SMIM35: variants seen among roughly 807,000 people sequenced by gnomAD.
The protein encoded by SMIM35 is TMPRSS4 antisense RNA 1 (non-protein coding).
chr11:118,011,326 C>T (rs77076362), intron 4 of SMIM35, among the ~76,000 whole-genome samples: 4,597 of 152,288 alleles, frequency 0.03, 235 homozygotes, highest in African/African-American at 0.11. Context: ...TGAGCACTTC[C>T]GGGGGCCTAG....
At chr11:118,057,742 T>G (rs1323738789) in intron 1 of SMIM35, among the ~76,000 whole-genome samples, 1 of 152,098 alleles carries the variant, frequency 6.6e-6, no homozygotes, top group Non-Finnish European at 1.5e-5. Context: ...GCTGATGAAA[T>G]GAGAGAAATC....
chr11:118,071,853 TCTGA>T (rs1353868981), intron 1 of SMIM35, among the ~76,000 whole-genome samples: 2 of 152,182 alleles, frequency 1.3e-5, no homozygotes, highest in African/African-American at 4.8e-5. Flanking sequence ...GAATGCAGAC[TCTGA>T]CTGAATAAGA....
chr11:118,035,161 A>G (rs2058350199), intron 1 of SMIM35, among the ~76,000 whole-genome samples: 1 of 152,032 alleles, frequency 6.6e-6, no homozygotes, highest in Non-Finnish European at 1.5e-5. Context: ...CATGTTGACC[A>G]GGCTGTTTTT....
chr11:118,080,447 C>A (rs1461968898), intron 1 of SMIM35, among the ~76,000 whole-genome samples: 1 of 152,214 alleles, frequency 6.6e-6, no homozygotes, highest in Non-Finnish European at 1.5e-5. Context: ...TCCCCAGGCC[C>A]TGTCCATCTC....
chr11:118,029,519 G>A, intron 1 of SMIM35: 2 of 387,872 alleles, frequency 5.2e-6, no homozygotes, highest in South Asian at 1.9e-5. Context: ...GCTGGGGGAA[G>A]TTCTGCCAAT....
At chr11:118,083,669 C>A (rs10790230) in intron 1 of SMIM35, among the ~76,000 whole-genome samples, 57,299 of 152,030 alleles carry the variant, frequency 0.38, 11,254 homozygotes, top group East Asian at 0.62. Flanking sequence ...AGCTTTACCT[C>A]TGGTTCACTG....
chr11:118,030,137 T>A (rs994139267), intron 1 of SMIM35, among the ~76,000 whole-genome samples: 3 of 151,936 alleles, frequency 2.0e-5, no homozygotes, highest in Admixed American at 2.0e-4. Flanking sequence ...CAGGTTCAAG[T>A]GATTCTTCCA....
At chr11:118,055,494 G>A (rs1175274860) in intron 1 of SMIM35, among the ~76,000 whole-genome samples, 1 of 152,170 alleles carries the variant, frequency 6.6e-6, no homozygotes, top group Non-Finnish European at 1.5e-5. Context: ...TTTGGCCTCT[G>A]CAGTGCTGAA....
At chr11:118,075,992 G>A (rs779932344) in intron 1 of SMIM35, among the ~76,000 whole-genome samples, 2 of 152,274 alleles carry the variant, frequency 1.3e-5, no homozygotes, top group African/African-American at 2.4e-5. Flanking sequence ...TGTGGGGCTG[G>A]GTGCGGTGGC....
chr11:118,036,806 G>C (rs1192242897), intron 1 of SMIM35, among the ~76,000 whole-genome samples: 1 of 152,186 alleles, frequency 6.6e-6, no homozygotes, highest in East Asian at 1.9e-4. Flanking sequence ...AGATTTAATA[G>C]AGTGAAAACA....
intron 1 of SMIM35, among the ~76,000 whole-genome samples, chr11:118,027,316 C>T (rs2058283407): frequency 6.7e-6 from 1 of 149,250 alleles, no homozygotes; most frequent in African/African-American, 2.5e-5. Context: ...CGTGAGCCAC[C>T]GCGCCCGGCC....
chr11:118,017,690 G>C (rs1173238409), intron 1 of SMIM35, among the ~76,000 whole-genome samples: 2 of 152,092 alleles, frequency 1.3e-5, no homozygotes, highest in Admixed American at 1.3e-4. Context: ...TAATAAAAAC[G>C]TACCTGAGAC....
chr11:118,033,280 A>T (rs2058332569), intron 1 of SMIM35, among the ~76,000 whole-genome samples: 1 of 152,190 alleles, frequency 6.6e-6, no homozygotes. Context: ...AGCTGAGAAA[A>T]GCCTCTTGTT....
At chr11:118,053,726 T>C (rs1437721391) in intron 1 of SMIM35, among the ~76,000 whole-genome samples, 3 of 152,198 alleles carry the variant, frequency 2.0e-5, no homozygotes, top group African/African-American at 7.2e-5. Context: ...CTACCATTTA[T>C]GTTATTCTTT....
chr11:118,035,049 T>C (rs899354409), intron 1 of SMIM35, among the ~76,000 whole-genome samples: 5 of 151,850 alleles, frequency 3.3e-5, no homozygotes, highest in African/African-American at 1.2e-4. Context: ...ACTCCTGGGT[T>C]CAAGCGATTC....
chr11:118,084,827 A>G (rs1363800695), intron 1 of SMIM35, among the ~76,000 whole-genome samples: 5 of 152,222 alleles, frequency 3.3e-5, no homozygotes, highest in Admixed American at 3.3e-4. Context: ...AGACTCAGAA[A>G]AATTTATTAA....
intron 1 of SMIM35, among the ~76,000 whole-genome samples, chr11:118,041,787 A>G (rs1409575240): frequency 1.3e-5 from 2 of 152,162 alleles, no homozygotes; most frequent in Non-Finnish European, 2.9e-5. Context: ...ACAGTGGATC[A>G]TGCCTGTAAC....
chr11:118,069,317 C>T (rs2135137772), intron 1 of SMIM35, among the ~76,000 whole-genome samples: 1 of 152,328 alleles, frequency 6.6e-6, no homozygotes, highest in South Asian at 2.1e-4. Context: ...TCTTCGTCTT[C>T]ATGCCGGTAG....
intron 1 of SMIM35, among the ~76,000 whole-genome samples, chr11:118,060,955 C>T (rs1944385676): frequency 6.6e-6 from 1 of 152,236 alleles, no homozygotes; most frequent in South Asian, 2.1e-4. Context: ...TGCCCCTCTC[C>T]AGCCCTGTGA....
Sources: allele counts gnomAD v4.1 joint callset (sites outside exome capture counted in the v4.1 genomes callset), GRCh38; gene constraint gnomAD v4.1.1; transcripts MANE v1.5; gene names NCBI Gene and HGNC (gene_info 2026-07-23, HGNC 2026-07-21).